KLF12: variants seen among roughly 807,000 people sequenced by gnomAD.
KLF12 encodes the protein Krueppel-like factor 12.
In KLF12, 9 loss-of-function variants were observed where a neutral mutation model predicts 37.8. The observed-to-expected ratio is 0.24, with a 90% CI of 0.14 to 0.42. The LOEUF (loss-of-function observed/expected upper bound fraction) is 0.42. Among genes scored for constraint, KLF12 ranks in the 10% least tolerant of loss-of-function variants. KLF12 has a pLI of 1.00. For synonymous variants in KLF12, 208 were observed against 202.1 expected (o/e 1.03, Z -0.25); for missense variants, 411 against 516.0 (o/e 0.80, Z 1.97).
At chr13:74,002,586 T>C (rs1470633450) in intron 1 of KLF12, among the ~76,000 whole-genome samples, 1 of 151,820 alleles carries the variant, frequency 6.6e-6, no homozygotes, top group African/African-American at 2.4e-5. Context: ...TAGGCTGGTC[T>C]CAAATTCCCA....
chr13:74,169,462 T>C, the KLF12 span, among the ~76,000 whole-genome samples: 1 of 152,202 alleles, frequency 6.6e-6, no homozygotes, highest in East Asian at 1.9e-4. Flanking sequence ...TCTTATTCTA[T>C]TTGTAAAATG....
intron 3 of KLF12, among the ~76,000 whole-genome samples, chr13:73,908,115 G>C (rs1161444347): frequency 6.6e-6 from 1 of 152,144 alleles, no homozygotes; most frequent in South Asian, 2.1e-4. Flanking sequence ...AAATATTAAT[G>C]CTTCCGGCCA....
chr13:73,918,407 T>C (rs930242889), intron 3 of KLF12, among the ~76,000 whole-genome samples: 1 of 152,140 alleles, frequency 6.6e-6, no homozygotes, highest in Non-Finnish European at 1.5e-5. Context: ...TACTAGAAAA[T>C]TCAATCCTCC....
chr13:74,082,982 G>A (rs1344957314), intron 1 of KLF12, among the ~76,000 whole-genome samples: 1 of 152,134 alleles, frequency 6.6e-6, no homozygotes, highest in Non-Finnish European at 1.5e-5. Context: ...AAAGAAAAAT[G>A]TTTCAACAAA....
intron 1 of KLF12, among the ~76,000 whole-genome samples, chr13:74,064,558 T>C (rs186708092): frequency 2.2e-4 from 33 of 152,294 alleles, no homozygotes; most frequent in Non-Finnish European, 4.4e-5. Context: ...CCAGGGACAT[T>C]TTGGACATAG....
chr13:73,851,557 T>C (rs1331523343), intron 3 of KLF12, among the ~76,000 whole-genome samples: 2 of 152,214 alleles, frequency 1.3e-5, no homozygotes, highest in Non-Finnish European at 2.9e-5. Flanking sequence ...CTTAAATCAA[T>C]CCACACTTCA....
At chr13:74,123,766 A>C (rs1251608106) in intron 1 of KLF12, among the ~76,000 whole-genome samples, 1 of 152,202 alleles carries the variant, frequency 6.6e-6, no homozygotes, top group Non-Finnish European at 1.5e-5. Context: ...GGACTTGCAA[A>C]GTTTTTACTT....
intron 1 of KLF12, among the ~76,000 whole-genome samples, chr13:74,068,134 G>A (rs1874023224): frequency 6.6e-6 from 1 of 152,120 alleles, no homozygotes; most frequent in African/African-American, 2.4e-5. Flanking sequence ...TCCTAAACTT[G>A]TTTATGCAGT....
rs375301861 is a variant in KLF12, at chr13:74,090,931, GA to G, written c.-32+42807del. Among the ~76,000 whole-genome samples, 710 of 138,494 alleles carry G rather than the reference GA, an allele frequency of 5.1e-3. 9 individuals carry two copies. The highest frequency in any genetic ancestry group is 0.016 in the African/African-American group (591 of 37,966). The allele number at this position is 138,494 out of a possible 152,430, so 90.9% of individuals were successfully genotyped here. ...GATCCAGAATAGCCAAAACTACCTTGAAAAAAAAAAAAAGAAAGTAAGAAAG... is the reference window on the plus strand; with the variant it reads ...GATCCAGAATAGCCAAAACTACCTTGAAAAAAAAAAAAGAAAGTAAGAAAG... On this transcript the variant is annotated intron_variant, in intron 1 of 7. Coordinates refer to ENST00000377669, the MANE Select transcript of KLF12 (RefSeq NM_007249.5).
chr13:74,090,633 C>A (rs1483982403), intron 1 of KLF12, among the ~76,000 whole-genome samples: 1 of 152,084 alleles, frequency 6.6e-6, no homozygotes, highest in Admixed American at 6.5e-5. Flanking sequence ...TGCTTAGTTG[C>A]CATCCATGTA....
intron 3 of KLF12, among the ~76,000 whole-genome samples, chr13:73,867,102 G>A (rs1428338086): frequency 2.6e-5 from 4 of 152,058 alleles, no homozygotes; most frequent in Non-Finnish European, 5.9e-5. Context: ...CAGTGTGATG[G>A]TATAATGTAC....
At chr13:73,745,311 A>G (rs571296134) in intron 6 of KLF12, among the ~76,000 whole-genome samples, 83 of 152,268 alleles carry the variant, frequency 5.5e-4, no homozygotes, top group African/African-American at 1.9e-3. Context: ...AACTAAAATC[A>G]TGACGTTGTG....
intron 1 of KLF12, among the ~76,000 whole-genome samples, chr13:74,091,940 G>A (rs1166565158): frequency 1.7e-4 from 26 of 151,336 alleles, no homozygotes. Context: ...ACACTTTTTT[G>A]CCTTCCTCTT....
chr13:73,825,455 T>A (rs986781905), intron 4 of KLF12, among the ~76,000 whole-genome samples: 1 of 152,140 alleles, frequency 6.6e-6, no homozygotes, highest in East Asian at 1.9e-4. Flanking sequence ...CAAGAGAGCA[T>A]AGGAGGTACA....
intron 1 of KLF12, among the ~76,000 whole-genome samples, chr13:74,097,382 C>T (rs1022854780): frequency 6.6e-6 from 1 of 152,174 alleles, no homozygotes; most frequent in African/African-American, 2.4e-5. Flanking sequence ...ATTACCTAAG[C>T]TTGCTCTGAC....
intron 2 of KLF12, among the ~76,000 whole-genome samples, chr13:73,985,157 T>G (rs571831293): frequency 5.9e-5 from 9 of 152,248 alleles, no homozygotes; most frequent in Non-Finnish European, 1.3e-4. Context: ...AGAGTCTTCA[T>G]GATTGCAGTC....
intron 7 of KLF12, among the ~76,000 whole-genome samples, chr13:73,709,869 GT>G (rs1232811637): frequency 6.6e-6 from 1 of 152,064 alleles, no homozygotes; most frequent in Non-Finnish European, 1.5e-5. Flanking sequence ...ATGTCTTAGG[GT>G]TTTTTCCTTG....
chr13:73,766,442 C>T (rs912449615), intron 5 of KLF12, among the ~76,000 whole-genome samples: 1 of 152,050 alleles, frequency 6.6e-6, no homozygotes, highest in Non-Finnish European at 1.5e-5. Flanking sequence ...AGGCAGCAAG[C>T]GTAATTTTTT....
At chr13:73,807,278 C>T (rs982049705) in intron 5 of KLF12, among the ~76,000 whole-genome samples, 1 of 149,896 alleles carries the variant, frequency 6.7e-6, no homozygotes, top group Non-Finnish European at 1.5e-5. Context: ...CATTGCACTA[C>T]AGCCTGGGTG....
Sources: allele counts gnomAD v4.1 joint callset (sites outside exome capture counted in the v4.1 genomes callset), GRCh38; gene constraint gnomAD v4.1.1; transcripts MANE v1.5; gene names NCBI Gene and HGNC (gene_info 2026-07-23, HGNC 2026-07-21).